Variants in BAG4 observed in about 807,000 individuals in gnomAD.
BAG4 encodes BAG cochaperone 4, also known as BAG family molecular chaperone regulator 4.
In BAG4, 28 loss-of-function variants were observed where a neutral mutation model predicts 52.1. That is an observed-to-expected ratio of 0.54 (90% CI 0.40 to 0.74). The LOEUF (loss-of-function observed/expected upper bound fraction) is 0.74. BAG4 is among the 30% of genes least tolerant of loss of function. BAG4 has a pLI of 0.00. For missense variants in BAG4, 525 were observed against 572.0 expected (o/e 0.92, Z 0.84); for synonymous variants, 208 against 217.0 (o/e 0.96, Z 0.37).
chr8:38,184,927 A>G (rs1348130136), intron 1 of BAG4, among the ~76,000 whole-genome samples: 1 of 152,064 alleles, frequency 6.6e-6, no homozygotes, highest in African/African-American at 2.4e-5. Context: ...TGTCTCTACT[A>G]AAAATACAAA....
At chr8:38,196,950 G>T (rs1382919152) in intron 2 of BAG4, among the ~76,000 whole-genome samples, 1 of 150,554 alleles carries the variant, frequency 6.6e-6, no homozygotes, top group Non-Finnish European at 1.5e-5. Flanking sequence ...GGTGGCAGGC[G>T]CTTGTAATCC....
intron 1 of BAG4, among the ~76,000 whole-genome samples, chr8:38,178,241 C>T (rs553739443): frequency 3.8e-4 from 58 of 151,794 alleles, no homozygotes; most frequent in African/African-American, 1.4e-3. Flanking sequence ...CTGCAACCTC[C>T]GCCTCCCGGT....
chr8:38,204,597 G>A (rs1031409381), intron 2 of BAG4, among the ~76,000 whole-genome samples: 1 of 151,492 alleles, frequency 6.6e-6, no homozygotes, highest in Non-Finnish European at 1.5e-5. Flanking sequence ...TTTGAGACTA[G>A]CCTGGCAACA....
chr8:38,190,382 G>T lies in BAG4; in HGVS notation c.271-2306G>T, dbSNP rs574888314. 3.9e-5 allele frequency among the ~76,000 whole-genome samples: 6 copies of T among 152,180 alleles called. No homozygotes were observed. The South Asian group carries it at 1.0e-3, about 26-fold the overall frequency. ...GATGTCCATTCAGAAAACTGTTCAA[G>T]AATTATTTGAATTATATTCTGTGTG... On this transcript the variant is annotated intron_variant, in intron 1 of 4. Transcript: ENST00000287322.
chr8:38,195,497 C>T (rs1038329271), intron 2 of BAG4, among the ~76,000 whole-genome samples: 1 of 152,090 alleles, frequency 6.6e-6, no homozygotes, highest in Non-Finnish European at 1.5e-5. Flanking sequence ...TGCTGTGTTG[C>T]CTAGGCTGGT....
rs1803497795 is a variant in BAG4, at chr8:38,192,781, G to A, written c.364G>A (p.Glu122Lys). The A allele has an allele frequency of 2.5e-6, 4 of 1,604,234 alleles. No homozygotes were observed. Among genetic ancestry groups the A allele is most frequent in the Non-Finnish European group, 3.4e-6 (4 of 1,174,840 alleles). Residue 122 changes from glutamate to lysine, a missense_variant, in exon 2 of 5, where the codon GAA becomes AAA. This residue lies in a region of BAG4 where 287 missense variants were observed against 266.1 expected (regional missense o/e 1.08). Coordinates refer to ENST00000287322, the MANE Select transcript of BAG4 (RefSeq NM_004874.4). ...CCCAAGTACATATCCTGTAAGACCAGAATTGCAAGGCCAGGTATGGTTTAA... is the reference window on the plus strand; with the variant it reads ...CCCAAGTACATATCCTGTAAGACCAAAATTGCAAGGCCAGGTATGGTTTAA... ...PYPSTYPVRP[E>K]LQGQSLNSYT... is the part of the protein sequence containing the mutation.
intron 2 of BAG4, chr8:38,202,191 C>T (rs896843645): frequency 6.6e-6 from 1 of 151,932 alleles, no homozygotes; most frequent in South Asian, 2.1e-4. Flanking sequence ...TAATAAAGTT[C>T]GTGAGGTTTT....
In BAG4 at chr8:38,213,150, A is replaced by G. The variant is rs1268177598; in HGVS notation, c.*2657A>G. 1 of 152,210 alleles carries G rather than the reference A, an allele frequency of 6.6e-6. No individual in the cohort carries two copies. Among genetic ancestry groups the G allele is most frequent in the African/African-American group, 2.4e-5 (1 of 41,456 alleles). The allele number at this position is 152,210 out of a possible 1,614,324, so 9.4% of individuals were successfully genotyped here. On this transcript the variant is annotated 3_prime_UTR_variant, in exon 5 of 5. Coordinates refer to ENST00000287322, the MANE Select transcript of BAG4 (RefSeq NM_004874.4). ...ATTTATGATTTGTAGAATTGGTTCA[A>G]CTTTTGACTTAATACTGACTTTGGA...
At chr8:38,190,531 C>T (rs1166697774) in intron 1 of BAG4, among the ~76,000 whole-genome samples, 1 of 151,678 alleles carries the variant, frequency 6.6e-6, no homozygotes, top group Non-Finnish European at 1.5e-5. Flanking sequence ...TGGACTTTGC[C>T]TCTGCCTCTC....
intron 1 of BAG4, among the ~76,000 whole-genome samples, chr8:38,185,089 C>CA (rs1212526970): frequency 0.3 from 30,403 of 101,234 alleles, 3,506 homozygotes; most frequent in Middle Eastern, 0.39. Context: ...GACTCTGTCT[C>CA]AAAAAAAAAA....
At position 38,209,227 on chromosome 8, in the gene BAG4, C is replaced by T. The variant is rs1803827688; in HGVS notation, c.848C>T (p.Ser283Phe). 2 of 1,614,192 alleles carry T rather than the reference C, an allele frequency of 1.2e-6. No homozygotes were observed. The highest frequency in any genetic ancestry group is 1.7e-6 in the Non-Finnish European group (2 of 1,180,040). Residue 283 changes from serine (S) to phenylalanine (F), a missense_variant, in exon 4 of 5, where the codon TCT becomes TTT. Ser to Phe is a radical substitution (Grantham distance 155). Coordinates refer to ENST00000287322, the MANE Select transcript of BAG4 (RefSeq NM_004874.4). ...ESTSPWPSSG[S>F]PQSPPSPPVQ... ...ACTTCACCATGGCCTAGCAGTGGCT[C>T]TCCCCAGTCACCCCCTTCACCCCCA...
chr8:38,194,083 G>A (rs1371661332), intron 2 of BAG4, among the ~76,000 whole-genome samples: 1 of 152,026 alleles, frequency 6.6e-6, no homozygotes, highest in Non-Finnish European at 1.5e-5. Context: ...TGTTGGCCAG[G>A]CTGGTCTCAA....
chr8:38,191,300 A>G (rs1803469542), intron 1 of BAG4, among the ~76,000 whole-genome samples: 1 of 152,220 alleles, frequency 6.6e-6, no homozygotes, highest in African/African-American at 2.4e-5. Flanking sequence ...ATGATTACTG[A>G]AAAAAATTCA....
At chr8:38,190,682 A>C (rs1803459396) in intron 1 of BAG4, among the ~76,000 whole-genome samples, 1 of 149,604 alleles carries the variant, frequency 6.7e-6, no homozygotes, top group Middle Eastern at 3.3e-3. Flanking sequence ...GGCCCCAAGC[A>C]ATCCTCTTGC....
chr8:38,187,548 CATT>C (rs1803383437), intron 1 of BAG4, among the ~76,000 whole-genome samples: 1 of 151,994 alleles, frequency 6.6e-6, no homozygotes, highest in South Asian at 2.1e-4. Context: ...CTTTAAAAGA[CATT>C]ATATAAAGTA....
chr8:38,199,265 A>C (rs1391776636), intron 2 of BAG4, among the ~76,000 whole-genome samples: 1 of 152,204 alleles, frequency 6.6e-6, no homozygotes, highest in Admixed American at 6.5e-5. Flanking sequence ...TTATAATCCT[A>C]TGGGACCACT....
Position 38,207,747 on chromosome 8 carries a change from C to T in BAG4, c.614C>T (p.Pro205Leu). The change falls in exon 3 of 5, where the codon CCA (proline) becomes CTA (leucine). Residue 205 changes from proline to leucine, a missense_variant. Transcript: ENST00000287322. Reference protein sequence around the residue: ...TEAPPLRGQVPGYPPSQNPGM... With the variant: ...TEAPPLRGQVLGYPPSQNPGM... ...GCACCCCCTCTTAGGGGGCAGGTTC[C>T]AGGATATCCGCCTTCACAGGTGAGT... is the stretch of plus-strand genomic sequence containing the variant. 6.2e-6 allele frequency: 10 copies of T among 1,614,126 alleles called. No homozygotes were observed. The highest frequency in any genetic ancestry group is 8.5e-6 in the Non-Finnish European group (10 of 1,180,026).
chr8:38,209,055 A>G lies in BAG4; in HGVS notation c.676A>G (p.Asn226Asp). ...TLPHYPYGDG[N>D]RSVPQSGPTV... ...GCCCCATTATCCTTATGGAGATGGT[A>G]ATCGTAGTGTTCCACAATCAGGACC... The change falls in exon 4 of 5, where the codon AAT (asparagine) becomes GAT (aspartate). Residue 226 changes from asparagine to aspartate, a missense_variant. Asn to Asp is a conservative substitution (Grantham distance 23). Transcript: ENST00000287322. 1 of 1,614,194 alleles carries G rather than the reference A, an allele frequency of 6.2e-7. No individual in the cohort carries two copies.
intron 4 of BAG4, 48 bp downstream of exon 4, chr8:38,209,315 A>G: frequency 6.2e-7 from 1 of 1,610,420 alleles, no homozygotes; most frequent in Non-Finnish European, 8.5e-7. Flanking sequence ...AATTAGGAGA[A>G]CATAACATGG....
Sources: allele counts gnomAD v4.1 joint callset (sites outside exome capture counted in the v4.1 genomes callset), GRCh38; gene constraint gnomAD v4.1.1; regional missense constraint gnomAD v4.1.1; transcripts MANE v1.5; gene names NCBI Gene and HGNC (gene_info 2026-07-23, HGNC 2026-07-21).